NSMCE2: variants seen among roughly 807,000 people sequenced by gnomAD.
NSMCE2 encodes the protein E3 SUMO-protein ligase NSE2.
In NSMCE2, 24 loss-of-function variants were observed where a neutral mutation model predicts 23.8. That is an observed-to-expected ratio of 1.01 (90% CI 0.73 to 1.42). The LOEUF (loss-of-function observed/expected upper bound fraction) is 1.42. Among genes scored for constraint, NSMCE2 ranks in the 40% most tolerant of loss-of-function variants. The pLI, the probability that NSMCE2 is intolerant of heterozygous loss-of-function variation, is 0.00. For missense variants in NSMCE2, 284 were observed against 296.5 expected, an observed-to-expected ratio of 0.96 and a Z score of 0.31; for synonymous variants, 92 against 94.1, an observed-to-expected ratio of 0.98 and a Z score of 0.13.
At chr8:125,107,533 A>G (rs1174646853) in intron 3 of NSMCE2, among the ~76,000 whole-genome samples, 2 of 152,054 alleles carry the variant, frequency 1.3e-5, no homozygotes, top group South Asian at 2.1e-4. Flanking sequence ...TTGTTTTACT[A>G]TGAGTGCTTG....
At chr8:125,205,787 G>A (rs1239803367) in intron 5 of NSMCE2, among the ~76,000 whole-genome samples, 1 of 152,120 alleles carries the variant, frequency 6.6e-6, no homozygotes, top group African/African-American at 2.4e-5. Flanking sequence ...TAGAATTATA[G>A]GTTGTAAATA....
At chr8:125,297,151 C>T (rs78187665) in intron 5 of NSMCE2, among the ~76,000 whole-genome samples, 10,987 of 152,248 alleles carry the variant, frequency 0.072, 530 homozygotes, top group South Asian at 0.15. Flanking sequence ...TTTTTAACAA[C>T]CTGTATTTCA....
intron 3 of NSMCE2, among the ~76,000 whole-genome samples, chr8:125,114,767 A>G (rs553513338): frequency 6.6e-6 from 1 of 152,338 alleles, no homozygotes; most frequent in African/African-American, 2.4e-5. Context: ...TAATGTATGC[A>G]TACATACATA....
At chr8:125,244,734 C>T (rs1446127281) in intron 5 of NSMCE2, among the ~76,000 whole-genome samples, 1 of 152,188 alleles carries the variant, frequency 6.6e-6, no homozygotes, top group East Asian at 1.9e-4. Flanking sequence ...AAGCAATCCT[C>T]ATAAAACTTT....
At chr8:125,334,295 A>G (rs1359050451) in intron 5 of NSMCE2, among the ~76,000 whole-genome samples, 1 of 152,156 alleles carries the variant, frequency 6.6e-6, no homozygotes, top group African/African-American at 2.4e-5. Flanking sequence ...TGCGTTAAGT[A>G]CTATCTGTAG....
chr8:125,098,804 A>G (rs1329999830), intron 1 of NSMCE2, among the ~76,000 whole-genome samples: 8 of 145,738 alleles, frequency 5.5e-5, no homozygotes, highest in African/African-American at 1.7e-4. Flanking sequence ...GGGGAGGGGT[A>G]GGGTGGGAGA....
intron 5 of NSMCE2, among the ~76,000 whole-genome samples, chr8:125,297,148 C>T (rs187356773): frequency 1.6e-3 from 243 of 152,286 alleles, no homozygotes; most frequent in Admixed American, 2.7e-3. Context: ...CCATTTTTAA[C>T]AACCTGTATT....
At chr8:125,147,010 A>G (rs1820719803) in intron 3 of NSMCE2, among the ~76,000 whole-genome samples, 1 of 152,190 alleles carries the variant, frequency 6.6e-6, no homozygotes, top group South Asian at 2.1e-4. Flanking sequence ...TACAGCTATT[A>G]TATATACATA....
intron 5 of NSMCE2, among the ~76,000 whole-genome samples, chr8:125,318,818 C>A (rs1391864825): frequency 6.6e-6 from 1 of 152,108 alleles, no homozygotes; most frequent in Non-Finnish European, 1.5e-5. Context: ...AGTTTTCAGG[C>A]CATAGTACAG....
intron 3 of NSMCE2, among the ~76,000 whole-genome samples, chr8:125,119,391 C>T (rs993454784): frequency 2.6e-5 from 4 of 152,132 alleles, no homozygotes; most frequent in Admixed American, 6.6e-5. Context: ...TTTAAAACAG[C>T]GTGTATAGTA....
chr8:125,121,509 T>C (rs1024256936), intron 3 of NSMCE2, among the ~76,000 whole-genome samples: 1 of 152,200 alleles, frequency 6.6e-6, no homozygotes, highest in African/African-American at 2.4e-5. Context: ...GGCAAATAGG[T>C]ATCCATGCAA....
intron 5 of NSMCE2, among the ~76,000 whole-genome samples, chr8:125,206,625 GT>G (rs1467042578): frequency 6.6e-6 from 1 of 152,220 alleles, no homozygotes; most frequent in African/African-American, 2.4e-5. Flanking sequence ...GAAGTTTCTA[GT>G]TTGGGTAACT....
At chr8:125,339,581 A>G (rs1256164622) in intron 5 of NSMCE2, among the ~76,000 whole-genome samples, 1 of 152,186 alleles carries the variant, frequency 6.6e-6, no homozygotes, top group Non-Finnish European at 1.5e-5. Flanking sequence ...ATCATAATGG[A>G]CATAATGAGG....
At chr8:125,283,842 A>T (rs1310103008) in intron 5 of NSMCE2, among the ~76,000 whole-genome samples, 2 of 152,042 alleles carry the variant, frequency 1.3e-5, no homozygotes, top group East Asian at 3.9e-4. Flanking sequence ...CAAGCATTGG[A>T]CTATTACTGG....
chr8:125,118,511 C>T (rs942203541), intron 3 of NSMCE2, among the ~76,000 whole-genome samples: 2 of 152,096 alleles, frequency 1.3e-5, no homozygotes, highest in Admixed American at 6.6e-5. Flanking sequence ...CTTTGAGAAC[C>T]CTTCTCTAGT....
chr8:125,116,036 G>C (rs1242318024), intron 3 of NSMCE2, among the ~76,000 whole-genome samples: 4 of 152,148 alleles, frequency 2.6e-5, no homozygotes, highest in African/African-American at 4.8e-5. Context: ...GACCCAGTTT[G>C]CCCAACTCCA....
At position 125,174,350 on chromosome 8, in the gene NSMCE2, A is replaced by G. The variant is rs1822369938; in HGVS notation, c.265-7753A>G. Among the ~76,000 whole-genome samples, 4 of 152,212 alleles carry G rather than the reference A, an allele frequency of 2.6e-5. No individual in the cohort carries two copies. The South Asian group carries it at 8.3e-4, about 32-fold the overall frequency. On this transcript the variant is annotated intron_variant, in intron 4 of 7. Transcript: ENST00000287437. ...GAATAAATGAATAAATAAATAATGC[A>G]TGTTTCTGTGAATTTCTGCCAAAAC...
At chr8:125,262,783 G>A (rs1826750777) in intron 5 of NSMCE2, among the ~76,000 whole-genome samples, 1 of 152,040 alleles carries the variant, frequency 6.6e-6, no homozygotes, top group Non-Finnish European at 1.5e-5. Context: ...CAGTGGTATT[G>A]CTCACTCTGT....
chr8:125,295,526 G>A (rs1174002245), intron 5 of NSMCE2, among the ~76,000 whole-genome samples: 2 of 152,180 alleles, frequency 1.3e-5, no homozygotes, highest in African/African-American at 4.8e-5. Flanking sequence ...ATAACACACA[G>A]GTCGGAATTC....
Sources: gnomAD v4.1 joint callset for allele counts (sites outside exome capture counted in the v4.1 genomes callset) on GRCh38, gnomAD v4.1.1 for gene constraint, MANE v1.5 for transcripts, NCBI Gene and HGNC (gene_info 2026-07-23, HGNC 2026-07-21) for gene names.